STOX2: variants seen among roughly 807,000 people sequenced by gnomAD.
The protein encoded by STOX2 is storkhead-box protein 2.
STOX2 carries 28 observed loss-of-function variants against 60.9 expected under a neutral mutation model. The observed-to-expected ratio is 0.46, with a 90% confidence interval of 0.34 to 0.63. The LOEUF is 0.63. Among genes scored for constraint, STOX2 ranks in the 30% least tolerant of loss-of-function variants. The pLI is 0.01. For synonymous variants in STOX2, 472 were observed against 463.9 expected, an observed-to-expected ratio of 1.02 and a Z score of -0.22; for missense variants, 1,024 against 1,187.7, an observed-to-expected ratio of 0.86 and a Z score of 2.03.
rs1265470196 is a variant in STOX2 at position 184,022,236 on chromosome 4, C to T, written c.*4952C>T. On this transcript the variant is annotated 3_prime_UTR_variant, in exon 4 of 4. Transcript: ENST00000308497. ...ACAGATTTTTATTCAGGCGATGTTT[C>T]ATAAATTACATATATGAAAACATTC... 1.3e-5 allele frequency: 2 copies of T among 152,200 alleles called. No individual in the cohort carries two copies. The highest frequency in any genetic ancestry group is 2.9e-5 in the Non-Finnish European group (2 of 68,052). 9.4% of individuals were successfully genotyped at this position (152,200 alleles called of 1,614,324 possible).
chr4:183,927,508 CT>C (rs577464785), intron 1 of STOX2, among the ~76,000 whole-genome samples: 212 of 144,158 alleles, frequency 1.5e-3, no homozygotes, highest in African/African-American at 1.8e-3. Flanking sequence ...CTTTTGGGGT[CT>C]TTTTTTTTTT....
chr4:183,849,383 A>G (rs1212660764), intron 1 of STOX2, among the ~76,000 whole-genome samples: 1 of 152,212 alleles, frequency 6.6e-6, no homozygotes, highest in Admixed American at 6.5e-5. Flanking sequence ...AGCATTGGAA[A>G]TTAGCCTCAG....
At chr4:183,832,583 T>A in intron 1 of STOX2, among the ~76,000 whole-genome samples, 1 of 147,840 alleles carries the variant, frequency 6.8e-6, no homozygotes, top group South Asian at 2.2e-4. Context: ...CTCTGCCTCC[T>A]GGGTTCAAGC....
Position 183,887,298 on chromosome 4 carries a change from G to A in STOX2, c.364+89243G>A, listed in dbSNP as rs533322398. On this transcript the variant is annotated intron_variant, in intron 1 of 2. Coordinates refer to the STOX2 transcript ENST00000513034. ...AAAAAAAGTTATGTACTTCTTCCCT[G>A]TACAGGGACGTCATAGCTAAGAGGA... 3.3e-5 allele frequency among the ~76,000 whole-genome samples: 5 copies of A among 152,178 alleles called. No homozygotes were observed. The East Asian group carries it at 9.7e-4, about 29-fold the overall frequency.
At chr4:183,997,792 C>A (rs1733409688) in intron 1 of STOX2, among the ~76,000 whole-genome samples, 1 of 152,136 alleles carries the variant, frequency 6.6e-6, no homozygotes. Flanking sequence ...ATCCAAATTC[C>A]ATTTTGTTCT....
At chr4:183,862,065 A>G (rs1299230594) in intron 1 of STOX2, among the ~76,000 whole-genome samples, 1 of 152,230 alleles carries the variant, frequency 6.6e-6, no homozygotes, top group Non-Finnish European at 1.5e-5. Flanking sequence ...GCTCTAGACC[A>G]CACAGTTCTT....
At chr4:183,924,689 G>C (rs2111106329) in intron 1 of STOX2, among the ~76,000 whole-genome samples, 1 of 152,268 alleles carries the variant, frequency 6.6e-6, no homozygotes, top group Non-Finnish European at 1.5e-5. Flanking sequence ...AAAATGGATT[G>C]TAGGGCCTAG....
intron 1 of STOX2, among the ~76,000 whole-genome samples, chr4:183,833,202 C>T (rs913735290): frequency 3.9e-5 from 6 of 152,130 alleles, no homozygotes; most frequent in African/African-American, 1.2e-4. Flanking sequence ...AAGTCAAGTC[C>T]AGACTCTTCC....
At chr4:183,850,481 C>T (rs988612958) in intron 1 of STOX2, among the ~76,000 whole-genome samples, 1 of 151,952 alleles carries the variant, frequency 6.6e-6, no homozygotes, top group African/African-American at 2.4e-5. Context: ...GTAATCCCAG[C>T]ACTTTGGGAG....
rs1228068423 is a variant in STOX2, at chr4:184,022,809, TG to T, written c.*5526del. On this transcript the variant is annotated 3_prime_UTR_variant, in exon 4 of 4. Transcript: ENST00000308497. Reference sequence around the variant, plus strand: ...CCTTTCCATTCTCCCACCTAGATACTGACACACCGCCACGGTTTCCACATTG... The same window carrying T: ...CCTTTCCATTCTCCCACCTAGATACTACACACCGCCACGGTTTCCACATTG... 6.6e-6 allele frequency: 1 copy of T among 152,342 alleles called. No individual in the cohort carries two copies. Among genetic ancestry groups the T allele is most frequent in the East Asian group, 1.9e-4 (1 of 5,178 alleles). The allele number at this position is 152,342 out of a possible 1,614,324, so 9.4% of individuals were successfully genotyped here. A position where few individuals can be genotyped will look rare whatever the true frequency, so the allele number is the denominator to read the frequency against.
At chr4:183,878,759 TGCA>T (rs1162966002) in intron 1 of STOX2, among the ~76,000 whole-genome samples, 1 of 152,252 alleles carries the variant, frequency 6.6e-6, no homozygotes, top group Non-Finnish European at 1.5e-5. Flanking sequence ...AAGCAGAAAC[TGCA>T]GGCTATTTTA....
chr4:183,852,064 TGA>T, intron 1 of STOX2, among the ~76,000 whole-genome samples: 1 of 91,984 alleles, frequency 1.1e-5, no homozygotes, highest in African/African-American at 5.3e-5. Flanking sequence ...AGGGAAAGGA[TGA>T]GAGAAAGGAT....
intron 2 of STOX2, among the ~76,000 whole-genome samples, chr4:184,005,280 C>T (rs374348874): frequency 1.3e-5 from 2 of 151,876 alleles, no homozygotes; most frequent in East Asian, 1.9e-4. Flanking sequence ...GCCAACATGA[C>T]GAAACCTTGT....
At chr4:183,833,992 A>G (rs1739640570) in intron 1 of STOX2, among the ~76,000 whole-genome samples, 1 of 147,886 alleles carries the variant, frequency 6.8e-6, no homozygotes, top group South Asian at 2.1e-4. Flanking sequence ...AAAAAAAAAA[A>G]AAAAAAAAAG....
At chr4:183,811,124 C>T (rs1330474768) in intron 1 of STOX2, among the ~76,000 whole-genome samples, 2 of 152,126 alleles carry the variant, frequency 1.3e-5, no homozygotes, top group African/African-American at 4.8e-5. Flanking sequence ...AAGAGACTGA[C>T]TACAGTTTGG....
At chr4:183,873,292 C>G (rs1740736648) in intron 1 of STOX2, among the ~76,000 whole-genome samples, 1 of 151,976 alleles carries the variant, frequency 6.6e-6, no homozygotes, top group Non-Finnish European at 1.5e-5. Context: ...TACTAAAATG[C>G]AAAATTAGCC....
chr4:183,863,625 C>A (rs1007250064), intron 1 of STOX2, among the ~76,000 whole-genome samples: 1 of 152,078 alleles, frequency 6.6e-6, no homozygotes, highest in Non-Finnish European at 1.5e-5. Flanking sequence ...GCTTGTTCTT[C>A]GGGACTCTAG....
intron 1 of STOX2, among the ~76,000 whole-genome samples, chr4:183,899,900 C>T (rs1741426564): frequency 6.6e-6 from 1 of 152,176 alleles, no homozygotes; most frequent in Non-Finnish European, 1.5e-5. Flanking sequence ...TCAATGTCTG[C>T]CTTCAATGGT....
In STOX2 at chr4:183,865,984, G is replaced by A. The variant is rs1740556571; in HGVS notation, c.364+67929G>A. On this transcript the variant is annotated intron_variant, in intron 1 of 2. Coordinates refer to the STOX2 transcript ENST00000513034. The surrounding 1 kb of genome is among the most constrained non-coding windows in gnomAD (Gnocchi z 4.1). ...AGTTGACACAGGTGAATAAAATGAG[G>A]GTTCCACTGAGATTGTCATGGATCT... Among the ~76,000 whole-genome samples the A allele has an allele frequency of 6.6e-6, 1 of 152,132 alleles. No individual in the cohort carries two copies. Among genetic ancestry groups the A allele is most frequent in the Admixed American group, 6.5e-5 (1 of 15,280 alleles).
Sources: allele counts gnomAD v4.1 joint callset (sites outside exome capture counted in the v4.1 genomes callset), GRCh38; gene constraint gnomAD v4.1.1; non-coding constraint Gnocchi (gnomAD v3.1); transcripts MANE v1.5; gene names NCBI Gene and HGNC (gene_info 2026-07-23, HGNC 2026-07-21).